Variants in TBC1D7 observed in about 807,000 individuals in gnomAD.
The protein encoded by TBC1D7 is TBC domain family 7.
In TBC1D7, 33 loss-of-function variants were observed where a neutral mutation model predicts 35.3. That is an observed-to-expected ratio of 0.93 (90% CI 0.71 to 1.25). The LOEUF (loss-of-function observed/expected upper bound fraction) is 1.25, where lower values mean the gene tolerates loss of function less well. Among genes scored for constraint, TBC1D7 ranks in the 50% most tolerant of loss-of-function variants. The pLI is 0.00. For synonymous variants in TBC1D7, 135 were observed against 129.5 expected (o/e 1.04, Z -0.29); for missense variants, 362 against 365.3 (o/e 0.99, Z 0.07).
At chr6:13,326,416 T>C (rs1784408533) in intron 2 of TBC1D7, among the ~76,000 whole-genome samples, 1 of 146,946 alleles carries the variant, frequency 6.8e-6, no homozygotes, top group Non-Finnish European at 1.5e-5. Context: ...TGAGCCAAGA[T>C]CACACCACTG....
chr6:13,314,313 G>T (rs1329383404), intron 5 of TBC1D7, among the ~76,000 whole-genome samples: 1 of 152,176 alleles, frequency 6.6e-6, no homozygotes, highest in Non-Finnish European at 1.5e-5. Context: ...AGAAGGAGAA[G>T]TAGGGAATTG....
intron 2 of TBC1D7, 53 bp downstream of exon 2, chr6:13,326,734 A>C: frequency 8.5e-7 from 1 of 1,176,046 alleles, no homozygotes; most frequent in Non-Finnish European, 1.2e-6. Flanking sequence ...TATTTACTTC[A>C]GAACATGTGG....
chr6:13,323,672 C>G (rs1784205626), intron 3 of TBC1D7: 1 of 152,266 alleles, frequency 6.6e-6, no homozygotes, highest in Non-Finnish European at 1.5e-5. Flanking sequence ...CAGAGACTGC[C>G]AGGATGAACA....
At chr6:13,328,052 T>C (rs1232550835) in intron 1 of TBC1D7, 1 of 152,190 alleles carries the variant, frequency 6.6e-6, no homozygotes, top group Non-Finnish European at 1.5e-5. Context: ...GTCAGCAGCA[T>C]AAAACGCGTA....
At position 13,325,180 on chromosome 6, in the gene TBC1D7, G is replaced by A. The variant is rs759091612; in HGVS notation, c.113-6C>T. The A allele has an allele frequency of 1.2e-6, 2 of 1,606,530 alleles. No individual in the cohort carries two copies. The highest frequency in any genetic ancestry group is 1.7e-6 in the Non-Finnish European group (2 of 1,173,904). ...AGTACAAAGTTTCTCAGTATCTAGA[G>A]GAAGAAGAAAACAATTGTTAGAAGC... On this transcript the variant is annotated splice_polypyrimidine_tract_variant and splice_region_variant and intron_variant, in intron 2 of 7. Transcript: ENST00000379300.
intron 4 of TBC1D7, among the ~76,000 whole-genome samples, chr6:13,318,421 T>C (rs1250583567): frequency 1.3e-5 from 2 of 152,190 alleles, no homozygotes; most frequent in African/African-American, 2.4e-5. Context: ...ACCTATACCC[T>C]GTCATCTCAA....
intron 5 of TBC1D7, among the ~76,000 whole-genome samples, chr6:13,311,852 T>C (rs6458746): frequency 0.065 from 9,814 of 151,966 alleles, 1,009 homozygotes; most frequent in African/African-American, 0.21. Flanking sequence ...CGCTAGAAAG[T>C]TGTATTAAAT....
intron 4 of TBC1D7, chr6:13,319,805 G>A (rs1031108365): frequency 6.6e-6 from 1 of 152,148 alleles, no homozygotes; most frequent in African/African-American, 2.4e-5. Flanking sequence ...ATACTCATGA[G>A]CAAAAGTTTA....
chr6:13,313,806 T>G (rs777585869), intron 5 of TBC1D7, among the ~76,000 whole-genome samples: 4 of 152,096 alleles, frequency 2.6e-5, no homozygotes, highest in Non-Finnish European at 5.9e-5. Flanking sequence ...GGAAAGGTGA[T>G]GGTAATTTTT....
In TBC1D7 at chr6:13,321,009, C is replaced by G. The variant is rs768842276; in HGVS notation, c.280G>C (p.Val94Leu). ...GTGGCATCACTAACAAAGCGAACGA[C>G]TTTCAGGGCATGAAGGACATCCAAG... ...QYLDVLHALK[V>L]VRFVSDATPQ... The change falls in exon 4 of 8, where the codon GTC becomes CTC. Residue 94 changes from valine to leucine, a missense_variant. Val to Leu is a conservative substitution (Grantham distance 32). Coordinates refer to ENST00000379300, the MANE Select transcript of TBC1D7 (RefSeq NM_016495.6). 9.3e-6 allele frequency: 15 copies of G among 1,614,176 alleles called. No homozygotes were observed. The Middle Eastern group carries it at 6.6e-4, about 71-fold the overall frequency.
intron 2 of TBC1D7, among the ~76,000 whole-genome samples, chr6:13,326,113 T>C (rs540366140): frequency 6.6e-6 from 1 of 152,324 alleles, no homozygotes; most frequent in African/African-American, 2.4e-5. Flanking sequence ...CAGACCTTAT[T>C]CAGACTGGCT....
In TBC1D7 at chr6:13,320,920, G is replaced by C. The variant is rs1340021014; in HGVS notation, c.369C>G (p.Pro123=). The C allele has an allele frequency of 1.9e-6, 3 of 1,613,980 alleles. No individual in the cohort carries two copies. The highest frequency in any genetic ancestry group is 4.5e-5 in the East Asian group (2 of 44,904). Reference sequence around the variant, plus strand: ...AGTGACCACTAACCAGTGGAAAAGAGGGACTTCGAGGTAACTTCCCAGACT... The same window carrying C: ...AGTGACCACTAACCAGTGGAAAAGACGGACTTCGAGGTAACTTCCCAGACT... ...QLESGKLPRS[P]SFPLEPDDEV... The change falls in exon 4 of 8, where the codon CCC becomes CCG. Residue 123 remains proline, a synonymous_variant. Transcript: ENST00000379300.
intron 2 of TBC1D7, 70 bp downstream of exon 2, chr6:13,326,717 A>G: frequency 1.0e-6 from 1 of 994,752 alleles, no homozygotes; most frequent in Non-Finnish European, 1.5e-6. Flanking sequence ...GATGTCTTTT[A>G]AGAAAATATT....
At chr6:13,316,760 C>T in intron 4 of TBC1D7, 52 bp from the exon 5 acceptor site, 2 of 1,578,954 alleles carry the variant, frequency 1.3e-6, no homozygotes, top group Non-Finnish European at 1.7e-6. Flanking sequence ...GAGAGGAATA[C>T]ATATTTCTTT....
intron 5 of TBC1D7, among the ~76,000 whole-genome samples, chr6:13,315,803 T>C (rs186021546): frequency 6.6e-6 from 1 of 152,328 alleles, no homozygotes; most frequent in East Asian, 1.9e-4. Flanking sequence ...CAGTCAACAG[T>C]AGGTTATTAG....
Position 13,325,089 on chromosome 6 carries a change from C to T in TBC1D7, c.193+5G>A, listed in dbSNP as rs1784314637. 1.2e-6 allele frequency: 2 copies of T among 1,605,332 alleles called. No individual in the cohort carries two copies. The highest frequency in any genetic ancestry group is 1.7e-6 in the Non-Finnish European group (2 of 1,174,790). ...GATAAATCTTCCAACTCCTGGGTCT[C>T]ATACCTAGAAGCACCTTCCATACCA... On this transcript the variant is annotated splice_donor_5th_base_variant and intron_variant, in intron 3 of 7. Transcript: ENST00000379300.
chr6:13,311,619 C>T (rs2496143), intron 5 of TBC1D7, among the ~76,000 whole-genome samples: 77,921 of 152,022 alleles, frequency 0.51, 21,551 homozygotes, highest in African/African-American at 0.71. Flanking sequence ...GATGACTTTT[C>T]TGAGAACTTC....
At chr6:13,316,811 T>C (rs1584550324) in intron 4 of TBC1D7, 103 bp from the exon 5 acceptor site, 2 of 1,373,498 alleles carry the variant, frequency 1.5e-6, no homozygotes, top group Non-Finnish European at 2.0e-6. Flanking sequence ...TTGAAAAGGC[T>C]ACATTAATAA....
chr6:13,320,741 G>C, intron 4 of TBC1D7, 167 bp downstream of exon 4: 1 of 753,892 alleles, frequency 1.3e-6, no homozygotes, highest in Non-Finnish European at 2.4e-6. Flanking sequence ...AGAAGGTTGG[G>C]TCAGAATGTG....
Sources: allele counts gnomAD v4.1 joint callset (sites outside exome capture counted in the v4.1 genomes callset), GRCh38; gene constraint gnomAD v4.1.1; transcripts MANE v1.5; gene names NCBI Gene and HGNC (gene_info 2026-07-23, HGNC 2026-07-21).